MRPS18A: variants seen among roughly 807,000 people sequenced by gnomAD.
MRPS18A encodes large ribosomal subunit protein mL66.
MRPS18A carries 20 observed loss-of-function variants against 22.7 expected under a neutral mutation model. The observed-to-expected ratio is 0.88, with a 90% CI of 0.62 to 1.28. MRPS18A has a LOEUF of 1.28. Ranked by LOEUF, MRPS18A falls within the 50% of genes most tolerant of loss-of-function variation. MRPS18A has a pLI of 0.00. For missense variants in MRPS18A, 294 were observed against 262.6 expected (o/e 1.12, Z -0.83); for synonymous variants, 106 against 99.1 (o/e 1.07, Z -0.41).
intron 5 of MRPS18A, 57 bp downstream of exon 5, chr6:43,675,145 C>A: frequency 7.1e-7 from 1 of 1,401,084 alleles, no homozygotes; most frequent in Non-Finnish European, 9.6e-7. Flanking sequence ...AGCCAAGGTG[C>A]ACCCTAGTTT....
rs1160437580 is a variant in MRPS18A, at chr6:43,675,289, G to C, written c.377-18C>G. ...TAATAGACCTGAGTGGCGGGGAAGA[G>C]GGGATAGTCTTTGCAGCTCCCTCTG... On this transcript the variant is annotated intron_variant, in intron 4 of 5. Transcript: ENST00000372133. 7.8e-6 allele frequency: 12 copies of C among 1,539,296 alleles called. No individual in the cohort carries two copies. The highest frequency in any genetic ancestry group is 1.1e-5 in the Non-Finnish European group (12 of 1,142,640).
rs139901091 is a variant in MRPS18A at position 43,677,208 on chromosome 6, A to T, written c.252+1310T>A. On this transcript the variant is annotated intron_variant, in intron 3 of 5. Coordinates refer to ENST00000372133, the MANE Select transcript of MRPS18A (RefSeq NM_018135.4). Reference sequence around the variant, plus strand: ...CAACCCCACTAACTTCCGCATGGTGAGCGGCTGGGAACACTGCCCCTTGCC... The same window carrying T: ...CAACCCCACTAACTTCCGCATGGTGTGCGGCTGGGAACACTGCCCCTTGCC... Among the ~76,000 whole-genome samples, 4 of 152,240 alleles carry T rather than the reference A, an allele frequency of 2.6e-5. No individual in the cohort carries two copies. The East Asian group carries it at 7.7e-4, about 29-fold the overall frequency.
Position 43,671,846 on chromosome 6 carries a change from C to G in MRPS18A, c.507G>C (p.Trp169Cys). The G allele has an allele frequency of 6.2e-7, 1 of 1,614,116 alleles. No individual in the cohort carries two copies. The highest frequency in any genetic ancestry group is 8.5e-7 in the Non-Finnish European group (1 of 1,180,002). ...ACCCCACGGGCATGCGCACCCTGTT[C>G]CAGCGGGGGCCTTTTTTGTAGATGG... ...VKPIYKKGPR[W>C]NRVRMPVGSP... Residue 169 changes from tryptophan (W) to cysteine (C), a missense_variant, in exon 6 of 6, where the codon TGG (tryptophan) becomes TGC (cysteine). Transcript: ENST00000372133.
chr6:43,678,305 C>T, intron 3 of MRPS18A: 1 of 453,692 alleles, frequency 2.2e-6, no homozygotes, highest in Non-Finnish European at 4.1e-6. Context: ...CTTGGGAGGA[C>T]CTGGTGGAGC....
intron 2 of MRPS18A, among the ~76,000 whole-genome samples, chr6:43,679,762 G>A (rs1774283014): frequency 6.6e-6 from 1 of 152,080 alleles, no homozygotes; most frequent in African/African-American, 2.4e-5. Flanking sequence ...CCCTCCTTCT[G>A]CCATGGCAAT....
At chr6:43,686,531 T>C (rs969003562) in intron 1 of MRPS18A, among the ~76,000 whole-genome samples, 2 of 152,240 alleles carry the variant, frequency 1.3e-5, no homozygotes, top group African/African-American at 2.4e-5. Flanking sequence ...TTCTCCAAAC[T>C]GGATTCCTTG....
At chr6:43,675,915 G>A (rs1026905593) in intron 3 of MRPS18A, among the ~76,000 whole-genome samples, 1 of 151,692 alleles carries the variant, frequency 6.6e-6, no homozygotes, top group Non-Finnish European at 1.5e-5. Context: ...GTGCAGTGGC[G>A]CAATCTCGGG....
intron 3 of MRPS18A, among the ~76,000 whole-genome samples, chr6:43,677,711 T>G (rs1172448819): frequency 6.6e-6 from 1 of 152,034 alleles, no homozygotes; most frequent in Non-Finnish European, 1.5e-5. Flanking sequence ...TTCACAAACG[T>G]CTCCATGTCT....
intron 1 of MRPS18A, among the ~76,000 whole-genome samples, chr6:43,682,072 C>A (rs190645913): frequency 6.6e-6 from 1 of 152,136 alleles, no homozygotes; most frequent in Admixed American, 6.5e-5. Flanking sequence ...GAGGCTGAGG[C>A]GGGAAGAAAT....
chr6:43,673,048 C>T lies in MRPS18A; in HGVS notation c.447-1142G>A, dbSNP rs973735852. ...TGTTGCCCAAGCTGGAGTGCAGTGG[C>T]GCGATCTCGGCTCACTGCAACTTCC... On this transcript the variant is annotated intron_variant, in intron 5 of 5. Transcript: ENST00000372133. This position sits in a 1 kb window ranked among gnomAD's most constrained non-coding sequence, Gnocchi z 4.2. Among the ~76,000 whole-genome samples, 5 of 144,976 alleles carry T rather than the reference C, an allele frequency of 3.4e-5. No homozygotes were observed. The highest frequency in any genetic ancestry group is 5.2e-5 in the African/African-American group (2 of 38,680).
At chr6:43,672,351 C>G (rs1245607763) in intron 5 of MRPS18A, 1 of 472,798 alleles carries the variant, frequency 2.1e-6, no homozygotes, top group Admixed American at 2.3e-5. Flanking sequence ...CCCCAGGGTA[C>G]TATAACTGGT....
At chr6:43,686,605 A>G (rs1003156286) in intron 1 of MRPS18A, among the ~76,000 whole-genome samples, 4 of 152,204 alleles carry the variant, frequency 2.6e-5, no homozygotes, top group Non-Finnish European at 5.9e-5. Context: ...GACAAATCCA[A>G]TGGCCCCTTC....
chr6:43,673,403 G>C lies in MRPS18A; in HGVS notation c.447-1497C>G, dbSNP rs1582406522. ...GTACATGAAGAGATGGGGTATGGGA[G>C]CAGGCTCCCCAGAAGGGTGCTCATT... On this transcript the variant is annotated intron_variant, in intron 5 of 5. Transcript: ENST00000372133. This position sits in a 1 kb window ranked among gnomAD's most constrained non-coding sequence, Gnocchi z 4.2. Among the ~76,000 whole-genome samples the C allele has an allele frequency of 6.6e-6, 1 of 152,352 alleles. No homozygotes were observed. Among genetic ancestry groups the C allele is most frequent in the East Asian group, 1.9e-4 (1 of 5,188 alleles).
In MRPS18A at chr6:43,678,439, G is replaced by A. The variant is rs754062359; in HGVS notation, c.252+79C>T. On this transcript the variant is annotated intron_variant, in intron 3 of 5. Coordinates refer to ENST00000372133, the MANE Select transcript of MRPS18A (RefSeq NM_018135.4). The stretch of plus-strand genomic sequence containing the variant: ...TGAAATGCAGCAGTAGCTACAGCGG[G>A]GACATGCTGCTCCAGTTAACCAGGG... The A allele has an allele frequency of 5.7e-6, 6 of 1,059,220 alleles. No individual in the cohort carries two copies. The South Asian group carries it at 6.4e-5, about 11-fold the overall frequency. The allele number at this position is 1,059,220 out of a possible 1,614,324, so 65.6% of individuals were successfully genotyped here.
chr6:43,678,545 C>T lies in MRPS18A; in HGVS notation c.225G>A (p.Trp75Ter). ...NPSGQCPICR[W>*]NLKHKYNYDD... ...CATAGTTATACTTGTGCTTCAGGTT[C>T]CAACGGCAGATGGGGCACTGGCCAG... The change falls in exon 3 of 6, where the codon TGG (tryptophan) becomes TGA (stop). Residue 75 changes from tryptophan (W) to a stop codon, truncating the protein, a stop_gained. Coordinates refer to ENST00000372133, the MANE Select transcript of MRPS18A (RefSeq NM_018135.4). LOFTEE classifies it high-confidence loss of function. The T allele has an allele frequency of 6.2e-7, 1 of 1,613,728 alleles. No homozygotes were observed. The highest frequency in any genetic ancestry group is 8.5e-7 in the Non-Finnish European group (1 of 1,179,698).
intron 5 of MRPS18A, among the ~76,000 whole-genome samples, chr6:43,672,986 C>CCT (rs531137663): frequency 7.9e-6 from 1 of 127,176 alleles, no homozygotes; most frequent in East Asian, 2.3e-4. Flanking sequence ...ATAGGGACTG[C>CCT]TTTTTTTTTT....
chr6:43,677,312 G>C (rs1188850754), intron 3 of MRPS18A, among the ~76,000 whole-genome samples: 1 of 152,102 alleles, frequency 6.6e-6, no homozygotes, highest in Non-Finnish European at 1.5e-5. Context: ...CAACCCTCAG[G>C]GTGGCCTCAA....
At position 43,675,484 on chromosome 6, in the gene MRPS18A, G is replaced by C. The variant is rs1183460566; in HGVS notation, c.376+10C>G. ...GCCCTCTGCCCCTCTTGGTCCCCAG[G>C]GCCTTCTACCTGCTCGGTGGGCCAT... On this transcript the variant is annotated intron_variant, in intron 4 of 5. Coordinates refer to ENST00000372133, the MANE Select transcript of MRPS18A (RefSeq NM_018135.4). The C allele has an allele frequency of 5.0e-6, 8 of 1,614,046 alleles. No individual in the cohort carries two copies. The highest frequency in any genetic ancestry group is 6.8e-6 in the Non-Finnish European group (8 of 1,180,038).
chr6:43,671,377 C>CCCCA lies in MRPS18A; in HGVS notation c.*384_*385insTGGG, dbSNP rs1773687368. On this transcript the variant is annotated 3_prime_UTR_variant, in exon 6 of 6. Coordinates refer to ENST00000372133, the MANE Select transcript of MRPS18A (RefSeq NM_018135.4). ...TGGCCCCATCACAAGAGATCAGTGACTCAATGCTCAGCACCCAGCTGGCAA... is the reference window on the plus strand; with the variant it reads ...TGGCCCCATCACAAGAGATCAGTGACCCCATCAATGCTCAGCACCCAGCTGGCAA... 1 of 398,152 alleles carries CCCCA rather than the reference C, an allele frequency of 2.5e-6. No individual in the cohort carries two copies. The highest frequency in any genetic ancestry group is 4.6e-6 in the Non-Finnish European group (1 of 215,806). The allele number at this position is 398,152 out of a possible 1,614,324, so 24.7% of individuals were successfully genotyped here. A position where few individuals can be genotyped will look rare whatever the true frequency, so the allele number is the denominator to read the frequency against.
Sources: allele counts gnomAD v4.1 joint callset (sites outside exome capture counted in the v4.1 genomes callset), GRCh38; gene constraint gnomAD v4.1.1; non-coding constraint Gnocchi (gnomAD v3.1); transcripts MANE v1.5; gene names NCBI Gene and HGNC (gene_info 2026-07-23, HGNC 2026-07-21).